The following AFG3L2 variants were observed in gnomAD, a reference collection of about 807,000 sequenced individuals.
The protein encoded by AFG3L2 is mitochondrial inner membrane m-AAA protease component AFG3L2.
Under a neutral mutation model 94.5 loss-of-function variants are expected in AFG3L2, and 54 were observed. That is an observed-to-expected ratio of 0.57 (90% CI 0.46 to 0.72). The LOEUF is 0.72. Ranked by LOEUF, AFG3L2 falls within the 30% of genes least tolerant of loss-of-function variation. The pLI is 0.00. For synonymous variants in AFG3L2, 377 were observed against 365.5 expected (o/e 1.03, Z -0.36); for missense variants, 754 against 994.9 (o/e 0.76, Z 3.26).
At chr18:12,376,388 G>A (rs1021825096) in intron 1 of AFG3L2, among the ~76,000 whole-genome samples, 2 of 152,216 alleles carry the variant, frequency 1.3e-5, no homozygotes, top group African/African-American at 4.8e-5. Context: ...TGTATCTAGA[G>A]GGATGGCTAC....
chr18:12,331,862 A>T (rs940922381), intron 16 of AFG3L2, among the ~76,000 whole-genome samples: 23 of 81,602 alleles, frequency 2.8e-4, no homozygotes, highest in African/African-American at 9.4e-4. Flanking sequence ...TATATATATA[A>T]AACAAGGGCA....
chr18:12,330,903 G>A (rs1907503133), intron 16 of AFG3L2, among the ~76,000 whole-genome samples: 1 of 152,082 alleles, frequency 6.6e-6, no homozygotes, highest in South Asian at 2.1e-4. Context: ...TTCAAATTAA[G>A]CTTCTACCAA....
chr18:12,373,552 G>C (rs1909054627), intron 1 of AFG3L2, among the ~76,000 whole-genome samples: 1 of 152,192 alleles, frequency 6.6e-6, no homozygotes, highest in South Asian at 2.1e-4. Context: ...CCACGTCTTA[G>C]TCTTAGTCCT....
At chr18:12,357,257 T>A (rs1183392427) in intron 8 of AFG3L2, among the ~76,000 whole-genome samples, 3 of 152,216 alleles carry the variant, frequency 2.0e-5, no homozygotes, top group African/African-American at 7.2e-5. Flanking sequence ...AAATAATTAA[T>A]AAACCCAACT....
intron 1 of AFG3L2, among the ~76,000 whole-genome samples, chr18:12,372,738 A>G (rs1045609160): frequency 3.3e-5 from 5 of 152,256 alleles, no homozygotes; most frequent in African/African-American, 1.2e-4. Flanking sequence ...TGACACGTGG[A>G]TGAACTCTGA....
chr18:12,338,060 C>T (rs1407101925), intron 15 of AFG3L2, among the ~76,000 whole-genome samples: 5 of 151,852 alleles, frequency 3.3e-5, no homozygotes, highest in African/African-American at 1.2e-4. Context: ...ATGAGCCCAG[C>T]CACTACCTGG....
intron 16 of AFG3L2, 134 bp from the exon 17 acceptor site, chr18:12,329,917 G>T: frequency 1.3e-6 from 1 of 787,454 alleles, no homozygotes; most frequent in Non-Finnish European, 2.1e-6. Context: ...CATACATAAG[G>T]TTGCATAGTT....
At position 12,339,384 on chromosome 18, in the gene AFG3L2, C is replaced by G. The variant is rs1318322304; in HGVS notation, c.1980+817G>C. Among the ~76,000 whole-genome samples the G allele has an allele frequency of 2.6e-5, 4 of 151,730 alleles. No individual in the cohort carries two copies. The East Asian group carries it at 7.7e-4, about 29-fold the overall frequency. Reference sequence around the variant, plus strand: ...CCTGACCAACATGGAGAAACCCCGTCTCTACTAAAAATACAAAACTAGCCA... The same window carrying G: ...CCTGACCAACATGGAGAAACCCCGTGTCTACTAAAAATACAAAACTAGCCA... On this transcript the variant is annotated intron_variant, in intron 15 of 16. Coordinates refer to ENST00000269143, the MANE Select transcript of AFG3L2 (RefSeq NM_006796.3).
chr18:12,343,825 A>T (rs1028910442), intron 14 of AFG3L2: 8 of 455,724 alleles, frequency 1.8e-5, no homozygotes, highest in African/African-American at 1.6e-4. Context: ...GATTATGAAA[A>T]ACCCTTTGGC....
chr18:12,364,668 T>C (rs542687995), intron 5 of AFG3L2, among the ~76,000 whole-genome samples: 2 of 152,146 alleles, frequency 1.3e-5, no homozygotes, highest in Non-Finnish European at 2.9e-5. Flanking sequence ...CCTAGTTATA[T>C]AGGATCCTTT....
At chr18:12,330,794 C>A (rs1907499354) in intron 16 of AFG3L2, among the ~76,000 whole-genome samples, 1 of 150,432 alleles carries the variant, frequency 6.6e-6, no homozygotes, top group South Asian at 2.1e-4. Flanking sequence ...AAAAAAAAAA[C>A]AGACTAGGCA....
Position 12,363,815 on chromosome 18 carries a change from C to G in AFG3L2, c.594G>C (p.Val198=), listed in dbSNP as rs1401268158. The change falls in exon 6 of 17, where the codon GTG becomes GTC. Residue 198 remains valine (V), a synonymous_variant. Coordinates refer to ENST00000269143, the MANE Select transcript of AFG3L2 (RefSeq NM_006796.3). ...CAGGAGTTTTTCCTGGTGTAAAGGTCACTCGAACAAAACGCTTGTTGACGA... is the reference window on the plus strand; with the variant it reads ...CAGGAGTTTTTCCTGGTGTAAAGGTGACTCGAACAAAACGCTTGTTGACGA... The part of the protein sequence containing the change: ...LEVVNKRFVR[V]TFTPGKTPVD... 6.2e-7 allele frequency: 1 copy of G among 1,613,248 alleles called. No individual in the cohort carries two copies. The highest frequency in any genetic ancestry group is 1.3e-5 in the African/African-American group (1 of 74,904).
At chr18:12,368,195 A>T (rs1298977064) in intron 3 of AFG3L2, among the ~76,000 whole-genome samples, 1 of 151,856 alleles carries the variant, frequency 6.6e-6, no homozygotes, top group Non-Finnish European at 1.5e-5. Context: ...AAAAAATAAA[A>T]AAATAAAATA....
intron 5 of AFG3L2, among the ~76,000 whole-genome samples, chr18:12,364,382 C>T (rs900102178): frequency 6.6e-6 from 1 of 152,154 alleles, no homozygotes; most frequent in Admixed American, 6.5e-5. Flanking sequence ...CCTTTGTGGG[C>T]ACATCTTAAA....
intron 15 of AFG3L2, among the ~76,000 whole-genome samples, chr18:12,339,413 G>A (rs1240541259): frequency 3.3e-5 from 5 of 151,718 alleles, no homozygotes; most frequent in Non-Finnish European, 7.4e-5. Context: ...CTAGCCAGGC[G>A]TGGTGGCACA....
At chr18:12,346,310 C>A (rs748266343) in intron 13 of AFG3L2, among the ~76,000 whole-genome samples, 1 of 152,206 alleles carries the variant, frequency 6.6e-6, no homozygotes. Context: ...GTGTCCCCAA[C>A]CGCCCATCTC....
intron 13 of AFG3L2, among the ~76,000 whole-genome samples, chr18:12,347,553 T>C (rs35435256): frequency 0.68 from 100,937 of 148,852 alleles, 35,323 homozygotes; most frequent in Non-Finnish European, 0.78. Context: ...TTATTATTAT[T>C]ATTTTTTTTT....
chr18:12,348,187 T>A, intron 13 of AFG3L2, 86 bp downstream of exon 13: 1 of 1,175,968 alleles, frequency 8.5e-7, no homozygotes, highest in Non-Finnish European at 1.3e-6. Flanking sequence ...CTTTCTTTGC[T>A]TCTAGTTCTT....
At chr18:12,340,793 C>T (rs1323172922) in intron 14 of AFG3L2, 1 of 234,652 alleles carries the variant, frequency 4.3e-6, no homozygotes, top group Admixed American at 5.2e-5. Flanking sequence ...AGGGGTTTCA[C>T]CATGTTGGTC....
Sources: allele counts gnomAD v4.1 joint callset (sites outside exome capture counted in the v4.1 genomes callset), GRCh38; gene constraint gnomAD v4.1.1; transcripts MANE v1.5; gene names NCBI Gene and HGNC (gene_info 2026-07-23, HGNC 2026-07-21).